Variants in CELF4 observed in about 807,000 individuals in gnomAD.
CELF4 encodes CUGBP Elav-like family member 4.
CELF4 carries 18 observed loss-of-function variants against 59.9 expected under a neutral mutation model. That is an observed-to-expected ratio of 0.30 (90% CI 0.21 to 0.45). The LOEUF (loss-of-function observed/expected upper bound fraction) is 0.45, where lower values mean the gene tolerates loss of function less well. CELF4 is among the 20% of genes least tolerant of loss of function. The pLI is 1.00. For synonymous variants in CELF4, 261 were observed against 267.1 expected, an observed-to-expected ratio of 0.98 and a Z score of 0.22; for missense variants, 456 against 689.0, an observed-to-expected ratio of 0.66 and a Z score of 3.79.
At chr18:37,383,350 A>G (rs112476049) in intron 2 of CELF4, among the ~76,000 whole-genome samples, 2 of 152,196 alleles carry the variant, frequency 1.3e-5, no homozygotes, top group Non-Finnish European at 2.9e-5. Context: ...GGGCATCCTG[A>G]CAGCGCCACC....
At chr18:37,517,955 T>C (rs1255955302) in intron 1 of CELF4, among the ~76,000 whole-genome samples, 3 of 152,132 alleles carry the variant, frequency 2.0e-5, no homozygotes, top group Non-Finnish European at 4.4e-5. Flanking sequence ...CACCTATAAC[T>C]GGGGGTAAGT....
At chr18:37,492,706 A>G (rs2099910116) in intron 1 of CELF4, among the ~76,000 whole-genome samples, 1 of 152,078 alleles carries the variant, frequency 6.6e-6, no homozygotes, top group Non-Finnish European at 1.5e-5. Context: ...TTTAAGACTC[A>G]CTTCTTAGGT....
chr18:37,368,962 C>T (rs893359360), intron 2 of CELF4, among the ~76,000 whole-genome samples: 6 of 152,170 alleles, frequency 3.9e-5, no homozygotes, highest in Non-Finnish European at 7.3e-5. Context: ...TGACCACATG[C>T]GCACTGCAAA....
rs545400624 is a variant in CELF4, at chr18:37,536,744, G to A, written c.286+28612C>T. Reference sequence around the variant, plus strand: ...TTGCACTTGCTCCCTCCCACACTCCGCCATCACCATCACCCCCATCTCCCA... The same window carrying A: ...TTGCACTTGCTCCCTCCCACACTCCACCATCACCATCACCCCCATCTCCCA... On this transcript the variant is annotated intron_variant, in intron 1 of 12. Transcript: ENST00000420428. 4.6e-5 allele frequency among the ~76,000 whole-genome samples: 7 copies of A among 152,198 alleles called. No homozygotes were observed. The South Asian group carries it at 1.0e-3, about 23-fold the overall frequency.
intron 2 of CELF4, among the ~76,000 whole-genome samples, chr18:37,477,674 C>T (rs764675354): frequency 2.0e-5 from 3 of 152,262 alleles, no homozygotes; most frequent in Non-Finnish European, 1.5e-5. Context: ...ATTTTTGGGG[C>T]CCCTAAAGAT....
intron 2 of CELF4, among the ~76,000 whole-genome samples, chr18:37,359,104 A>AC (rs2098657420): frequency 6.6e-6 from 1 of 151,996 alleles, no homozygotes; most frequent in South Asian, 2.1e-4. Context: ...TCCAAAAAAA[A>AC]CAAAACAAAA....
At position 37,275,278 on chromosome 18, in the gene CELF4, G is replaced by C. The variant is rs532786860; in HGVS notation, c.449-35C>G. 5 of 1,611,896 alleles carry C rather than the reference G, an allele frequency of 3.1e-6. No homozygotes were observed. In the South Asian group the frequency reaches 3.3e-5, roughly 11 times the overall value. The stretch of plus-strand genomic sequence containing the variant: ...AATTAGGAGATGCTTACCCGGGCCA[G>C]GGACCGGGCTGCGCGGGAGCAGGGC... On this transcript the variant is annotated intron_variant, in intron 3 of 12. Transcript: ENST00000420428.
At chr18:37,407,592 TGTGTATATATATAC>T (rs1238742516) in intron 2 of CELF4, among the ~76,000 whole-genome samples, 1 of 95,792 alleles carries the variant, frequency 1.0e-5, no homozygotes. Context: ...TGTGGGTATA[TGTGTATATATATAC>T]ACACATATAC....
intron 1 of CELF4, among the ~76,000 whole-genome samples, chr18:37,501,956 G>A: frequency 6.6e-6 from 1 of 152,148 alleles, no homozygotes; most frequent in East Asian, 1.9e-4. Flanking sequence ...GCATGAAGAG[G>A]GAGGACACAC....
At chr18:37,536,352 G>C (rs1322992293) in intron 1 of CELF4, among the ~76,000 whole-genome samples, 1 of 152,098 alleles carries the variant, frequency 6.6e-6, no homozygotes, top group Middle Eastern at 3.2e-3. Flanking sequence ...ATGGTGCATT[G>C]GAACCTGAAG....
intron 2 of CELF4, among the ~76,000 whole-genome samples, chr18:37,422,618 G>A (rs1255172311): frequency 1.3e-5 from 2 of 152,204 alleles, no homozygotes; most frequent in African/African-American, 4.8e-5. Context: ...ATGTGTGCCC[G>A]AGAAAGAGCA....
At position 37,270,895 on chromosome 18, in the gene CELF4, G is replaced by A. The variant is rs1246809061; in HGVS notation, c.972C>T (p.Ile324=). Residue 324 remains isoleucine (I), a synonymous_variant, in exon 8 of 13, where the codon ATC becomes ATT. Coordinates refer to ENST00000420428, the MANE Select transcript of CELF4 (RefSeq NM_020180.4). Reference sequence around the variant, plus strand: ...GGATGCTAGGCACGGCTGGTGCAGTGATGCCCGGAGGGGTGCTGCCACCTG... The same window carrying A: ...GGATGCTAGGCACGGCTGGTGCAGTAATGCCCGGAGGGGTGCTGCCACCTG... The part of the protein sequence containing the change: ...PTSGGSTPPG[I]TAPAVPSIPS... 6.2e-7 allele frequency: 1 copy of A among 1,611,694 alleles called. No homozygotes were observed. Among genetic ancestry groups the A allele is most frequent in the African/African-American group, 1.3e-5 (1 of 75,026 alleles).
chr18:37,421,856 T>C (rs2099580353), intron 2 of CELF4, among the ~76,000 whole-genome samples: 1 of 152,256 alleles, frequency 6.6e-6, no homozygotes, highest in Non-Finnish European at 1.5e-5. Context: ...TCAGTCAGCA[T>C]GGATTAGCAT....
At chr18:37,479,174 C>T (rs1441168494) in intron 2 of CELF4, among the ~76,000 whole-genome samples, 1 of 152,210 alleles carries the variant, frequency 6.6e-6, no homozygotes, top group East Asian at 1.9e-4. Flanking sequence ...TGCTCCTGCC[C>T]GTACTCCCCA....
At chr18:37,380,264 C>T (rs915298003) in intron 2 of CELF4, among the ~76,000 whole-genome samples, 4 of 152,296 alleles carry the variant, frequency 2.6e-5, no homozygotes, top group African/African-American at 7.2e-5. Flanking sequence ...CCCACTTTAT[C>T]TGTCACTGTC....
At chr18:37,408,500 GGC>G (rs796220350) in intron 2 of CELF4, among the ~76,000 whole-genome samples, 2,469 of 85,966 alleles carry the variant, frequency 0.029, 136 homozygotes, top group African/African-American at 0.076. Flanking sequence ...GCCGGGGGGG[GGC>G]GCGGTGCAGG....
chr18:37,444,660 G>A (rs2099743192), intron 2 of CELF4, among the ~76,000 whole-genome samples: 2 of 102,872 alleles, frequency 1.9e-5, no homozygotes, highest in African/African-American at 3.4e-5. Flanking sequence ...ACACGCGAAC[G>A]ATGCAGTTTC....
intron 2 of CELF4, among the ~76,000 whole-genome samples, chr18:37,451,835 A>C (rs1401824373): frequency 6.6e-6 from 1 of 152,178 alleles, no homozygotes; most frequent in South Asian, 2.1e-4. Flanking sequence ...CCAGCCATCC[A>C]TCCAGTGGGG....
At chr18:37,540,817 T>C (rs2154605442) in intron 1 of CELF4, among the ~76,000 whole-genome samples, 1 of 152,304 alleles carries the variant, frequency 6.6e-6, no homozygotes, top group African/African-American at 2.4e-5. Context: ...AGAGCTGGGC[T>C]AAGTTCTGTG....
Sources: gnomAD v4.1 joint callset for allele counts (sites outside exome capture counted in the v4.1 genomes callset) on GRCh38, gnomAD v4.1.1 for gene constraint, MANE v1.5 for transcripts, NCBI Gene and HGNC (gene_info 2026-07-23, HGNC 2026-07-21) for gene names.